CEP170: variants seen among roughly 807,000 people sequenced by gnomAD.
CEP170 encodes the protein centrosomal protein 170.
A neutral mutation model predicts 151.9 loss-of-function variants in CEP170; 21 were observed. That is an observed-to-expected ratio of 0.14 (90% CI 0.10 to 0.20). The LOEUF is 0.20. Ranked by LOEUF, CEP170 falls within the 10% of genes least tolerant of loss-of-function variation. The probability of loss-of-function intolerance (pLI) is 1.00; values close to 1 mark genes in which losing one functional copy is unlikely to be tolerated. For missense variants in CEP170, 964 were observed against 1,892.9 expected (o/e 0.51, Z 9.11); for synonymous variants, 356 against 648.8 (o/e 0.55, Z 6.86).
chr1:243,225,957 T>C (rs2063184880), intron 1 of CEP170, among the ~76,000 whole-genome samples: 5 of 148,572 alleles, frequency 3.4e-5, no homozygotes. Flanking sequence ...TTTGTTTACA[T>C]GGGCAATACA....
At chr1:243,225,447 G>A (rs923012783) in intron 1 of CEP170, 126 bp from the exon 2 acceptor site, 5 of 444,172 alleles carry the variant, frequency 1.1e-5, no homozygotes, top group African/African-American at 1.0e-4. Context: ...TAAATGAACT[G>A]TCCACAGGTC....
intron 1 of CEP170, among the ~76,000 whole-genome samples, chr1:243,252,435 CT>C (rs2066025045): frequency 6.6e-6 from 1 of 151,950 alleles, no homozygotes; most frequent in Non-Finnish European, 1.5e-5. Flanking sequence ...ATATTTAGTA[CT>C]AGATGAGCAT....
chr1:243,164,211 T>G (rs1205743342), intron 13 of CEP170, 73 bp downstream of exon 13: 1 of 1,316,854 alleles, frequency 7.6e-7, no homozygotes, highest in Non-Finnish European at 9.7e-7. Context: ...ACCTTACTTT[T>G]TTTTTTAAAA....
chr1:243,226,286 C>G (rs2063299502), intron 1 of CEP170, among the ~76,000 whole-genome samples: 1 of 149,120 alleles, frequency 6.7e-6, no homozygotes, highest in African/African-American at 2.5e-5. Context: ...TAAAATGAAA[C>G]TGGTATTTAT....
chr1:243,164,933 A>G lies in CEP170; in HGVS notation c.3027T>C (p.Val1009=). The G allele has an allele frequency of 6.2e-7, 1 of 1,613,888 alleles. No homozygotes were observed. Among genetic ancestry groups the G allele is most frequent in the Non-Finnish European group, 8.5e-7 (1 of 1,179,738 alleles). Residue 1009 remains valine (V), a synonymous_variant, in exon 13 of 20, where the codon GTT becomes GTC. Coordinates refer to ENST00000366542, the MANE Select transcript of CEP170 (RefSeq NM_014812.3). ...GCTGTCTTATTCTCCCACTGGACTG[A>G]ACAAATTTACGACCATCTGCTCTTG... ...VGSRADGRKF[V]QSSGRIRQPS...
chr1:243,192,884 A>G (rs1168714752), intron 7 of CEP170, among the ~76,000 whole-genome samples: 1 of 152,102 alleles, frequency 6.6e-6, no homozygotes, highest in Non-Finnish European at 1.5e-5. Context: ...CACAATAAAT[A>G]TAATAATAAT....
At chr1:243,205,929 A>T (rs2061387825) in intron 4 of CEP170, among the ~76,000 whole-genome samples, 1 of 151,808 alleles carries the variant, frequency 6.6e-6, no homozygotes, top group African/African-American at 2.4e-5. Flanking sequence ...CAACAAACAA[A>T]AAGAAAGAAG....
At chr1:243,227,054 C>T (rs559585607) in intron 1 of CEP170, among the ~76,000 whole-genome samples, 125 of 152,230 alleles carry the variant, frequency 8.2e-4, no homozygotes, top group African/African-American at 2.9e-3. Context: ...ACGTATTGGT[C>T]CTTGGGAAAA....
At chr1:243,167,825 T>A (rs1338127666) in intron 12 of CEP170, among the ~76,000 whole-genome samples, 1 of 151,946 alleles carries the variant, frequency 6.6e-6, no homozygotes, top group Admixed American at 6.6e-5. Context: ...CTGAAGCATC[T>A]AGAATGTAAT....
intron 1 of CEP170, among the ~76,000 whole-genome samples, chr1:243,232,817 C>T (rs6669104): frequency 0.32 from 48,959 of 152,012 alleles, 8,170 homozygotes; most frequent in South Asian, 0.53. Flanking sequence ...TGGATGGTGA[C>T]GGTAGGGATG....
chr1:243,129,880 A>G (rs1249617483), intron 17 of CEP170, among the ~76,000 whole-genome samples: 3 of 152,072 alleles, frequency 2.0e-5, no homozygotes, highest in Non-Finnish European at 4.4e-5. Flanking sequence ...GAGAAAAAAA[A>G]AGACCACATT....
At chr1:243,159,809 G>GTGT (rs1379710408) in intron 13 of CEP170, among the ~76,000 whole-genome samples, 2 of 146,366 alleles carry the variant, frequency 1.4e-5, no homozygotes, top group Non-Finnish European at 3.0e-5. Flanking sequence ...GTGTTTTTGA[G>GTGT]ATGGAGTCTC....
At chr1:243,173,872 CAT>C (rs2059042569) in intron 10 of CEP170, among the ~76,000 whole-genome samples, 2 of 152,158 alleles carry the variant, frequency 1.3e-5, no homozygotes, top group South Asian at 2.1e-4. Context: ...AAACCATAAA[CAT>C]GTGGCTGATT....
At chr1:243,245,031 T>C (rs1229496248) in intron 1 of CEP170, among the ~76,000 whole-genome samples, 1 of 152,202 alleles carries the variant, frequency 6.6e-6, no homozygotes, top group African/African-American at 2.4e-5. Context: ...GAAAAAATTT[T>C]ACAGTATCTG....
intron 1 of CEP170, among the ~76,000 whole-genome samples, chr1:243,249,832 C>T (rs759982693): frequency 1.3e-5 from 2 of 152,180 alleles, no homozygotes; most frequent in Non-Finnish European, 2.9e-5. Context: ...ACCTGTAATC[C>T]CAGCACTTTC....
At chr1:243,249,856 G>A (rs903500023) in intron 1 of CEP170, among the ~76,000 whole-genome samples, 22 of 152,254 alleles carry the variant, frequency 1.4e-4, no homozygotes, top group African/African-American at 4.8e-4. Flanking sequence ...GGCCTAGGCA[G>A]TGGACCATGA....
intron 1 of CEP170, among the ~76,000 whole-genome samples, chr1:243,239,758 A>T (rs2149116277): frequency 6.6e-6 from 1 of 152,308 alleles, no homozygotes; most frequent in East Asian, 1.9e-4. Context: ...ATATACCTAC[A>T]GCAACTCCTA....
At chr1:243,219,291 A>G (rs1256989299) in intron 3 of CEP170, among the ~76,000 whole-genome samples, 1 of 152,224 alleles carries the variant, frequency 6.6e-6, no homozygotes, top group Non-Finnish European at 1.5e-5. Flanking sequence ...GCTTTCATAA[A>G]CTTCAACTCA....
At chr1:243,200,982 T>C in intron 4 of CEP170, 147 bp from the exon 5 acceptor site, 1 of 668,930 alleles carries the variant, frequency 1.5e-6, no homozygotes, top group Non-Finnish European at 2.4e-6. Flanking sequence ...AATATTAAAA[T>C]ATGGTCACCA....
Sources: allele counts gnomAD v4.1 joint callset (sites outside exome capture counted in the v4.1 genomes callset), GRCh38; gene constraint gnomAD v4.1.1; transcripts MANE v1.5; gene names NCBI Gene and HGNC (gene_info 2026-07-23, HGNC 2026-07-21).